The following EPAS1 variants were observed in gnomAD, a reference collection of about 807,000 sequenced individuals.
EPAS1 encodes the protein endothelial PAS domain protein 1, also known as endothelial PAS domain-containing protein 1.
Under a neutral mutation model 87.9 loss-of-function variants are expected in EPAS1, and 23 were observed. The ratio of observed to expected loss-of-function variants is 0.26; its 90% confidence interval spans 0.19 to 0.37. The LOEUF is 0.37. Among genes scored for constraint, EPAS1 ranks in the 10% least tolerant of loss-of-function variants. The pLI, the probability that EPAS1 is intolerant of heterozygous loss-of-function variation, is 1.00. For synonymous variants in EPAS1, 508 were observed against 444.3 expected, an observed-to-expected ratio of 1.14 and a Z score of -1.80; for missense variants, 1,138 against 1,120.7, an observed-to-expected ratio of 1.02 and a Z score of -0.22.
Position 46,378,750 on chromosome 2 carries a change from G to A in EPAS1, c.1537G>A (p.Asp513Asn), listed in dbSNP as rs1684815217. 1.2e-6 allele frequency: 2 copies of A among 1,614,102 alleles called. No homozygotes were observed. Among genetic ancestry groups the A allele is most frequent in the Admixed American group, 1.7e-5 (1 of 60,028 alleles). ...KLFAMDTEAK[D>N]QCSTQTDFNE... ...CTTCGCCATGGACACAGAGGCCAAG[G>A]ACCAATGCAGTACCCAGGTAGATGG... The change falls in exon 11 of 16, where the codon GAC (aspartate) becomes AAC (asparagine). Residue 513 changes from aspartate (D) to asparagine (N), a missense_variant. Physicochemically the swap from Asp to Asn is conservative, Grantham distance 23. Coordinates refer to ENST00000263734, the MANE Select transcript of EPAS1 (RefSeq NM_001430.5).
chr2:46,356,580 T>C, intron 3 of EPAS1, 144 bp from the exon 4 acceptor site: 1 of 759,620 alleles, frequency 1.3e-6, no homozygotes, highest in Non-Finnish European at 2.4e-6. Flanking sequence ...TTTCTGTCTG[T>C]GGACCTGACA....
chr2:46,377,768 G>A, intron 9 of EPAS1, 126 bp from the exon 10 acceptor site: 1 of 1,503,906 alleles, frequency 6.6e-7, no homozygotes, highest in East Asian at 2.5e-5. Flanking sequence ...GGGTGTTGGG[G>A]GGGCCTAGCC....
At chr2:46,341,701 G>A (rs984747675) in intron 1 of EPAS1, among the ~76,000 whole-genome samples, 35 of 151,606 alleles carry the variant, frequency 2.3e-4, no homozygotes, top group Admixed American at 1.4e-3. Flanking sequence ...GGACCTGGGC[G>A]TCAGTCTTCC....
At chr2:46,359,182 C>G (rs1684334033) in intron 4 of EPAS1, among the ~76,000 whole-genome samples, 1 of 141,488 alleles carries the variant, frequency 7.1e-6, no homozygotes, top group South Asian at 2.2e-4. Flanking sequence ...TCACTTGAAC[C>G]CAGGAGGCAG....
intron 10 of EPAS1, 151 bp downstream of exon 10, chr2:46,378,238 C>A: frequency 7.2e-7 from 1 of 1,384,220 alleles, no homozygotes; most frequent in Non-Finnish European, 9.5e-7. Context: ...TACCAGGTAT[C>A]AGAGCTGTTT....
At position 46,297,675 on chromosome 2, in the gene EPAS1, C is replaced by G. The variant is rs977976338; in HGVS notation, c.-237C>G. ...TCTGACAGCCTCCACCCACTCCTTC[C>G]CCGGACCCCGCCTCCGCGCGCAGGT... On this transcript the variant is annotated 5_prime_UTR_variant, in exon 1 of 16. Coordinates refer to ENST00000263734, the MANE Select transcript of EPAS1 (RefSeq NM_001430.5). 94 of 560,360 alleles carry G rather than the reference C, an allele frequency of 1.7e-4. No homozygotes were observed. The highest frequency in any genetic ancestry group is 2.6e-4 in the Non-Finnish European group (82 of 317,116). 34.7% of individuals were successfully genotyped at this position (560,360 alleles called of 1,614,324 possible). A position where few individuals can be genotyped will look rare whatever the true frequency, so the allele number is the denominator to read the frequency against.
In EPAS1 at chr2:46,316,572, T is replaced by C. The variant is rs551344182; in HGVS notation, c.26+18635T>C. On this transcript the variant is annotated intron_variant, in intron 1 of 15. Transcript: ENST00000263734. The stretch of plus-strand genomic sequence containing the variant: ...CACCGCACCTGGCCAACAATGTCTA[T>C]ACCTTAATTTAAAAATATTTTATTG... 1.6e-4 allele frequency among the ~76,000 whole-genome samples: 24 copies of C among 152,358 alleles called. No homozygotes were observed. In the Middle Eastern group the frequency reaches 0.02, roughly 130 times the overall value.
intron 1 of EPAS1, among the ~76,000 whole-genome samples, chr2:46,328,703 G>T (rs1454944784): frequency 6.6e-6 from 1 of 152,168 alleles, no homozygotes; most frequent in African/African-American, 2.4e-5. Flanking sequence ...CCATCAGAAC[G>T]TACCTTCAGC....
In EPAS1 at chr2:46,375,531, A is replaced by G; in HGVS notation, c.887-159A>G. ...GAAGAGTTGGCTGAGGTGATCCCTA[A>G]GCTCCCTCCCAGGTCACTCTCCCTG... On this transcript the variant is annotated intron_variant, in intron 7 of 15. Transcript: ENST00000263734. This position sits in a 1 kb window ranked among gnomAD's most constrained non-coding sequence, Gnocchi z 4.1. 1 of 819,700 alleles carries G rather than the reference A, an allele frequency of 1.2e-6. No homozygotes were observed. Among genetic ancestry groups the G allele is most frequent in the East Asian group, 2.7e-5 (1 of 37,234 alleles). 50.8% of individuals were successfully genotyped at this position (819,700 alleles called of 1,614,324 possible). A position where few individuals can be genotyped will look rare whatever the true frequency, so the allele number is the denominator to read the frequency against.
rs368706892 is a variant in EPAS1, at chr2:46,334,520, C to T, written c.27-12353C>T. Reference sequence around the variant, plus strand: ...CAAAGCCAACCTCCAGCAGAGTTCTCCCTGTCTTCTCCAGCCTTGCAGGCT... The same window carrying T: ...CAAAGCCAACCTCCAGCAGAGTTCTTCCTGTCTTCTCCAGCCTTGCAGGCT... On this transcript the variant is annotated intron_variant, in intron 1 of 15. Coordinates refer to ENST00000263734, the MANE Select transcript of EPAS1 (RefSeq NM_001430.5). Among the ~76,000 whole-genome samples the T allele has an allele frequency of 3.4e-4, 52 of 152,274 alleles. No homozygotes were observed. In the East Asian group the frequency reaches 6.6e-3, roughly 19 times the overall value.
intron 9 of EPAS1, 86 bp from the exon 10 acceptor site, chr2:46,377,808 C>G (rs1012070931): frequency 6.4e-7 from 1 of 1,550,436 alleles, no homozygotes; most frequent in Non-Finnish European, 8.7e-7. Flanking sequence ...CCTCTTAGGG[C>G]CTTCTCTGCG....
chr2:46,378,651 C>G lies in EPAS1; in HGVS notation c.1444-6C>G. 2 of 1,613,016 alleles carry G rather than the reference C, an allele frequency of 1.2e-6. No homozygotes were observed. Among genetic ancestry groups the G allele is most frequent in the African/African-American group, 2.7e-5 (2 of 75,002 alleles). ...TGACTCTGTCCCCCTCCTTCCTGGC[C>G]CCTAGCCCAATAGCCCTGAAGACTA... is the stretch of plus-strand genomic sequence containing the variant. On this transcript the variant is annotated splice_polypyrimidine_tract_variant and splice_region_variant and intron_variant, in intron 10 of 15. Coordinates refer to ENST00000263734, the MANE Select transcript of EPAS1 (RefSeq NM_001430.5).
At chr2:46,366,200 AT>A (rs1357463713) in intron 6 of EPAS1, among the ~76,000 whole-genome samples, 1 of 152,206 alleles carries the variant, frequency 6.6e-6, no homozygotes, top group East Asian at 1.9e-4. Flanking sequence ...CTGTGGGTGG[AT>A]TTCTTTCTGC....
In EPAS1 at chr2:46,377,787, G is replaced by A. The variant is rs996464654; in HGVS notation, c.1250-107G>A. ...GTTGGGGGGGCCTAGCCCCAGGCAT[G>A]CCTTCCAGACCCTCTTAGGGCCTTC... is the stretch of plus-strand genomic sequence containing the variant. On this transcript the variant is annotated intron_variant, in intron 9 of 15. Transcript: ENST00000263734. 5.2e-6 allele frequency: 8 copies of A among 1,543,948 alleles called. No individual in the cohort carries two copies. In the African/African-American group the frequency reaches 9.6e-5, roughly 19 times the overall value.
chr2:46,321,802 T>C (rs954499225), intron 1 of EPAS1, among the ~76,000 whole-genome samples: 1 of 151,460 alleles, frequency 6.6e-6, no homozygotes, highest in Non-Finnish European at 1.5e-5. Context: ...GTGAAAGGTG[T>C]CAGGGAGAGA....
intron 6 of EPAS1, among the ~76,000 whole-genome samples, chr2:46,365,031 TA>T (rs1684472755): frequency 6.6e-6 from 1 of 152,210 alleles, no homozygotes; most frequent in Non-Finnish European, 1.5e-5. Flanking sequence ...AGTTTAACTT[TA>T]AAATAGGGTG....
intron 2 of EPAS1, among the ~76,000 whole-genome samples, chr2:46,353,052 C>G (rs996458147): frequency 1.3e-5 from 2 of 151,866 alleles, no homozygotes; most frequent in African/African-American, 4.8e-5. Flanking sequence ...TTGAAGTCAG[C>G]GTTACCACTG....
At chr2:46,307,030 C>G (rs552469445) in intron 1 of EPAS1, among the ~76,000 whole-genome samples, 1 of 152,300 alleles carries the variant, frequency 6.6e-6, no homozygotes, top group East Asian at 1.9e-4. Flanking sequence ...GGAGTAAATC[C>G]TCATAATGCC....
chr2:46,349,304 G>C (rs1684097709), intron 2 of EPAS1, among the ~76,000 whole-genome samples: 1 of 152,194 alleles, frequency 6.6e-6, no homozygotes, highest in South Asian at 2.1e-4. Context: ...CCATCTCAGT[G>C]GTTCAAAGGT....
Sources: allele counts gnomAD v4.1 joint callset (sites outside exome capture counted in the v4.1 genomes callset), GRCh38; gene constraint gnomAD v4.1.1; non-coding constraint Gnocchi (gnomAD v3.1); transcripts MANE v1.5; gene names NCBI Gene and HGNC (gene_info 2026-07-23, HGNC 2026-07-21).